CFAP299: variants seen among roughly 807,000 people sequenced by gnomAD.
CFAP299 encodes cilia and flagella associated protein 299, also known as cilia- and flagella-associated protein 299.
A neutral mutation model predicts 27.0 loss-of-function variants in CFAP299; 21 were observed. That is an observed-to-expected ratio of 0.78 (90% CI 0.55 to 1.12). The LOEUF is 1.12. Ranked by LOEUF, CFAP299 falls within the 50% of genes most tolerant of loss-of-function variation. CFAP299 has a pLI of 0.00. For missense variants in CFAP299, 310 were observed against 276.6 expected (o/e 1.12, Z -0.86); for synonymous variants, 104 against 98.1 (o/e 1.06, Z -0.36).
chr4:80,680,354 A>G (rs1338878219), intron 3 of CFAP299, among the ~76,000 whole-genome samples: 2 of 152,158 alleles, frequency 1.3e-5, no homozygotes, highest in African/African-American at 4.8e-5. Context: ...CGTAAATCTC[A>G]GAACTTTATT....
chr4:80,674,133 T>G (rs985932514), intron 3 of CFAP299, among the ~76,000 whole-genome samples: 1 of 152,232 alleles, frequency 6.6e-6, no homozygotes, highest in African/African-American at 2.4e-5. Context: ...TCTTTACAAT[T>G]TGGCATGTTT....
At chr4:80,770,011 T>G (rs1169847785) in intron 3 of CFAP299, among the ~76,000 whole-genome samples, 1 of 152,206 alleles carries the variant, frequency 6.6e-6, no homozygotes, top group East Asian at 1.9e-4. Flanking sequence ...TTCCTTTTTA[T>G]GAAAAGTAGC....
intron 3 of CFAP299, among the ~76,000 whole-genome samples, chr4:80,805,767 A>T (rs1042641820): frequency 1.3e-5 from 2 of 152,152 alleles, no homozygotes; most frequent in African/African-American, 4.8e-5. Flanking sequence ...CCAGCAGCTC[A>T]GGAGGGTGAG....
chr4:80,747,940 C>G (rs933243864), intron 3 of CFAP299, among the ~76,000 whole-genome samples: 3 of 152,026 alleles, frequency 2.0e-5, no homozygotes, highest in Non-Finnish European at 4.4e-5. Context: ...ACTTTCCGAT[C>G]AAACATCTTT....
chr4:80,832,339 A>G (rs1365439260), intron 3 of CFAP299, among the ~76,000 whole-genome samples: 2 of 152,088 alleles, frequency 1.3e-5, no homozygotes, highest in Non-Finnish European at 2.9e-5. Flanking sequence ...GTCTTTAACT[A>G]TTTCTTTCTC....
chr4:80,907,445 A>G (rs995050011), intron 4 of CFAP299, among the ~76,000 whole-genome samples: 1 of 152,090 alleles, frequency 6.6e-6, no homozygotes, highest in African/African-American at 2.4e-5. Context: ...CCAATTTACT[A>G]TATTAGTCCA....
At chr4:80,717,110 G>A (rs1016235936) in intron 3 of CFAP299, among the ~76,000 whole-genome samples, 2 of 152,050 alleles carry the variant, frequency 1.3e-5, no homozygotes, top group African/African-American at 4.8e-5. Flanking sequence ...CGACAGATAC[G>A]TTTTTCCTTT....
chr4:80,419,708 A>C (rs1727198408), intron 2 of CFAP299, among the ~76,000 whole-genome samples: 1 of 151,950 alleles, frequency 6.6e-6, no homozygotes, highest in Admixed American at 6.6e-5. Flanking sequence ...CTACCTACCT[A>C]CTGTAACATA....
At chr4:80,485,742 C>T (rs1476940306) in intron 2 of CFAP299, among the ~76,000 whole-genome samples, 1 of 152,060 alleles carries the variant, frequency 6.6e-6, no homozygotes, top group Non-Finnish European at 1.5e-5. Flanking sequence ...TCAATGTTAA[C>T]TAAAAACATT....
intron 2 of CFAP299, among the ~76,000 whole-genome samples, chr4:80,422,611 C>T (rs886584144): frequency 1.2e-4 from 18 of 152,246 alleles, no homozygotes; most frequent in African/African-American, 3.6e-4. Flanking sequence ...CAGGACCAAG[C>T]ACTGTGAGTA....
intron 4 of CFAP299, among the ~76,000 whole-genome samples, chr4:80,937,818 C>G (rs1736990086): frequency 6.6e-6 from 1 of 151,892 alleles, no homozygotes; most frequent in South Asian, 2.1e-4. Flanking sequence ...TTATCTTTTG[C>G]TATTTTCCTT....
intron 3 of CFAP299, among the ~76,000 whole-genome samples, chr4:80,758,513 C>T (rs749485033): frequency 1.3e-5 from 2 of 152,100 alleles, no homozygotes; most frequent in Non-Finnish European, 2.9e-5. Flanking sequence ...CAGGGATGTA[C>T]GTTGTCACTT....
intron 4 of CFAP299, among the ~76,000 whole-genome samples, chr4:80,932,569 AC>A (rs773440210): frequency 7.2e-5 from 11 of 152,238 alleles, no homozygotes; most frequent in Non-Finnish European, 1.5e-4. Flanking sequence ...ATGTCTCTGT[AC>A]CATAAATGCA....
chr4:80,744,799 T>G (rs967729863), intron 3 of CFAP299, among the ~76,000 whole-genome samples: 7 of 152,192 alleles, frequency 4.6e-5, no homozygotes, highest in Non-Finnish European at 8.8e-5. Flanking sequence ...ATTACCTAGA[T>G]GCACATCACT....
chr4:80,345,074 G>A (rs1722656426), intron 1 of CFAP299, among the ~76,000 whole-genome samples: 1 of 152,096 alleles, frequency 6.6e-6, no homozygotes, highest in Non-Finnish European at 1.5e-5. Flanking sequence ...ATGAAAACTG[G>A]CACAAGACAA....
intron 3 of CFAP299, among the ~76,000 whole-genome samples, chr4:80,683,814 C>T (rs1361003116): frequency 6.6e-6 from 1 of 152,188 alleles, no homozygotes; most frequent in African/African-American, 2.4e-5. Flanking sequence ...GTACTATTTA[C>T]ACAGTACCTT....
chr4:80,529,454 G>A (rs1015354121), intron 2 of CFAP299, among the ~76,000 whole-genome samples: 15 of 152,236 alleles, frequency 9.9e-5, no homozygotes, highest in Non-Finnish European at 1.6e-4. Flanking sequence ...GCTATTGTAC[G>A]TATGTATTGG....
intron 3 of CFAP299, among the ~76,000 whole-genome samples, chr4:80,864,842 G>C (rs1287421007): frequency 1.3e-5 from 2 of 151,916 alleles, no homozygotes; most frequent in African/African-American, 4.8e-5. Flanking sequence ...CATTACCAAG[G>C]GCTTAGCAAA....
In CFAP299 at chr4:80,741,023, G is replaced by A. The variant is rs1336421658; in HGVS notation, c.334-128970G>A. On this transcript the variant is annotated intron_variant, in intron 3 of 5. Transcript: ENST00000358105. ...ATTTGGTGACCCCAAGAGCTTGCTT[G>A]TTGCTCTACCTGACTATGGCCTGGG... Among the ~76,000 whole-genome samples the A allele has an allele frequency of 2.6e-5, 4 of 152,304 alleles. No individual in the cohort carries two copies. The East Asian group carries it at 7.7e-4, about 29-fold the overall frequency.
Sources: allele counts gnomAD v4.1 joint callset (sites outside exome capture counted in the v4.1 genomes callset), GRCh38; gene constraint gnomAD v4.1.1; transcripts MANE v1.5; gene names NCBI Gene and HGNC (gene_info 2026-07-23, HGNC 2026-07-21).